The following ZNF428 variants were observed in gnomAD, a reference collection of about 807,000 sequenced individuals.
The protein encoded by ZNF428 is enzyme-like protein PIT13.
ZNF428 carries 5 observed loss-of-function variants against 15.6 expected under a neutral mutation model. The observed-to-expected ratio is 0.32, with a 90% CI of 0.17 to 0.67. ZNF428 has a LOEUF of 0.67. Among genes scored for constraint, ZNF428 ranks in the 30% least tolerant of loss-of-function variants. The probability of loss-of-function intolerance (pLI) is 0.73; values close to 1 mark genes in which losing one functional copy is unlikely to be tolerated. For missense variants in ZNF428, 237 were observed against 256.0 expected (o/e 0.93, Z 0.51); for synonymous variants, 97 against 102.2 (o/e 0.95, Z 0.31).
In ZNF428 at chr19:43,607,908, A is replaced by G. The variant is rs1973256789; in HGVS notation, c.276T>C (p.Pro92=). ...APRAAQPPAQ[P]CQLCGRSPLG... ...GGGGTGAGCGGCCACAGAGCTGGCA[A>G]GGCTGGGCCGGGGGCTGGGCTGCAC... The change falls in exon 3 of 3, where the codon CCT becomes CCC. Residue 92 remains proline (P), a synonymous_variant. Transcript: ENST00000300811. The surrounding 1 kb of genome is among the most constrained non-coding windows in gnomAD (Gnocchi z 5.1). 2 of 1,566,110 alleles carry G rather than the reference A, an allele frequency of 1.3e-6. No homozygotes were observed. Among genetic ancestry groups the G allele is most frequent in the Non-Finnish European group, 8.7e-7 (1 of 1,155,480 alleles).
chr19:43,613,815 AAGAG>A (rs1973339676), intron 2 of ZNF428: 8 of 1,549,438 alleles, frequency 5.2e-6, no homozygotes, highest in Middle Eastern at 1.7e-4. Context: ...AGCCCCAGCA[AAGAG>A]AGAGATCGCA....
chr19:43,616,764 G>A (rs974510746), intron 1 of ZNF428, among the ~76,000 whole-genome samples: 1 of 151,058 alleles, frequency 6.6e-6, no homozygotes, highest in Non-Finnish European at 1.5e-5. Context: ...TTTCACATCT[G>A]TGGGTCTTAG....
At chr19:43,618,351 A>G (rs1012853395) in intron 1 of ZNF428, among the ~76,000 whole-genome samples, 1 of 149,492 alleles carries the variant, frequency 6.7e-6, no homozygotes. Context: ...TATATTTTTT[A>G]AGAGACAGGG....
In ZNF428 at chr19:43,612,193, G is replaced by A. The variant is rs759429839; in HGVS notation, c.76+2036C>T. On this transcript the variant is annotated intron_variant, in intron 2 of 2. Coordinates refer to ENST00000300811, the MANE Select transcript of ZNF428 (RefSeq NM_182498.4). This position sits in a 1 kb window ranked among gnomAD's most constrained non-coding sequence, Gnocchi z 4.2. ...CCAGTGGATCCTCCATGCCCACTGC[G>A]GATCCCAAGCCTCCTGCCTCCTTGA... The A allele has an allele frequency of 1.2e-4, 183 of 1,551,534 alleles. No individual in the cohort carries two copies. Among genetic ancestry groups the A allele is most frequent in the Middle Eastern group, 8.3e-4 (5 of 6,014 alleles).
intron 1 of ZNF428, among the ~76,000 whole-genome samples, chr19:43,619,007 C>T (rs1973403341): frequency 6.6e-6 from 1 of 152,148 alleles, no homozygotes; most frequent in African/African-American, 2.4e-5. Flanking sequence ...AACTGAAAGG[C>T]AAACACAGTG....
In ZNF428 at chr19:43,612,917, G is replaced by A. The variant is rs1376491946; in HGVS notation, c.76+1312C>T. Reference sequence around the variant, plus strand: ...CAGCCCCACTGAAATGTCCAGCAGGGTCAAGAGTTATAACCAGGCCAGCAC... The same window carrying A: ...CAGCCCCACTGAAATGTCCAGCAGGATCAAGAGTTATAACCAGGCCAGCAC... On this transcript the variant is annotated intron_variant, in intron 2 of 2. Coordinates refer to ENST00000300811, the MANE Select transcript of ZNF428 (RefSeq NM_182498.4). The surrounding 1 kb of genome is among the most constrained non-coding windows in gnomAD (Gnocchi z 4.2). The A allele has an allele frequency of 6.4e-7, 1 of 1,551,566 alleles. No individual in the cohort carries two copies. The highest frequency in any genetic ancestry group is 8.7e-7 in the Non-Finnish European group (1 of 1,146,994).
At chr19:43,613,714 A>G in intron 2 of ZNF428, 1 of 1,551,480 alleles carries the variant, frequency 6.4e-7, no homozygotes, top group Non-Finnish European at 8.7e-7. Flanking sequence ...GCAAGGAGAG[A>G]CAGCGCAGAC....
Position 43,612,026 on chromosome 19 carries a change from G to A in ZNF428, c.76+2203C>T. The A allele has an allele frequency of 2.2e-6, 2 of 917,466 alleles. No individual in the cohort carries two copies. 56.8% of individuals were successfully genotyped at this position (917,466 alleles called of 1,614,324 possible). A position where few individuals can be genotyped will look rare whatever the true frequency, so the allele number is the denominator to read the frequency against. On this transcript the variant is annotated intron_variant, in intron 2 of 2. Coordinates refer to ENST00000300811, the MANE Select transcript of ZNF428 (RefSeq NM_182498.4). This position sits in a 1 kb window ranked among gnomAD's most constrained non-coding sequence, Gnocchi z 4.2. The stretch of plus-strand genomic sequence containing the variant: ...TCAATGCCCACTATTACTTCACACA[G>A]TTGGCCTGTGACAGGCAATCAGGTC...
chr19:43,612,271 G>C lies in ZNF428; in HGVS notation c.76+1958C>G. On this transcript the variant is annotated intron_variant, in intron 2 of 2. Coordinates refer to ENST00000300811, the MANE Select transcript of ZNF428 (RefSeq NM_182498.4). The surrounding 1 kb of genome is among the most constrained non-coding windows in gnomAD (Gnocchi z 4.2). ...GATCCTTAGTGCCCACCAAACCAGC[G>C]ACATCCCGTAACTCAGTCATGAGCC... The C allele has an allele frequency of 6.4e-7, 1 of 1,551,534 alleles. No individual in the cohort carries two copies. The highest frequency in any genetic ancestry group is 8.7e-7 in the Non-Finnish European group (1 of 1,146,984).
chr19:43,618,492 C>A (rs564937154), intron 1 of ZNF428, among the ~76,000 whole-genome samples: 1 of 151,248 alleles, frequency 6.6e-6, no homozygotes, highest in South Asian at 2.1e-4. Flanking sequence ...CTCCTGTGCT[C>A]AAGGTACCCT....
intron 2 of ZNF428, among the ~76,000 whole-genome samples, chr19:43,611,034 A>C (rs1452959484): frequency 1.3e-5 from 2 of 152,036 alleles, no homozygotes; most frequent in East Asian, 3.9e-4. Context: ...GACCCAGCAC[A>C]AACTCTGTCC....
chr19:43,609,370 G>C (rs1377292734), intron 2 of ZNF428, among the ~76,000 whole-genome samples: 1 of 151,908 alleles, frequency 6.6e-6, no homozygotes, highest in Non-Finnish European at 1.5e-5. Flanking sequence ...GAGAGAGAGA[G>C]AGAGAGAGTT....
In ZNF428 at chr19:43,619,561, C is replaced by G. The variant is rs575948498; in HGVS notation, c.-134G>C. The G allele has an allele frequency of 1.3e-5, 2 of 152,308 alleles. No homozygotes were observed. Among genetic ancestry groups the G allele is most frequent in the Non-Finnish European group, 2.9e-5 (2 of 68,094 alleles). The allele number at this position is 152,308 out of a possible 1,614,324, so 9.4% of individuals were successfully genotyped here. A position where few individuals can be genotyped will look rare whatever the true frequency, so the allele number is the denominator to read the frequency against. On this transcript the variant is annotated 5_prime_UTR_variant, in exon 1 of 3. Transcript: ENST00000300811. ...CACCCCTGCCCGGGACACTCACCGG[C>G]GCCGGCGGCCCCCGCTCCGGCTCTG... is the stretch of plus-strand genomic sequence containing the variant.
In ZNF428 at chr19:43,607,437, T is replaced by A. The variant is rs949406058; in HGVS notation, c.*180A>T. On this transcript the variant is annotated 3_prime_UTR_variant, in exon 3 of 3. Coordinates refer to ENST00000300811, the MANE Select transcript of ZNF428 (RefSeq NM_182498.4). This position sits in a 1 kb window ranked among gnomAD's most constrained non-coding sequence, Gnocchi z 5.1. Reference sequence around the variant, plus strand: ...GGAATACACACACACACACACACACTCTGAACCAACACACACAGATACAGA... The same window carrying A: ...GGAATACACACACACACACACACACACTGAACCAACACACACAGATACAGA... The A allele has an allele frequency of 4.2e-5, 30 of 712,106 alleles. No homozygotes were observed. Among genetic ancestry groups the A allele is most frequent in the Non-Finnish European group, 5.7e-5 (26 of 453,394 alleles). The allele number at this position is 712,106 out of a possible 1,614,324, so 44.1% of individuals were successfully genotyped here.
chr19:43,613,891 G>C (rs1293034973), intron 2 of ZNF428: 23 of 1,551,658 alleles, frequency 1.5e-5, no homozygotes, highest in Admixed American at 2.0e-5. Flanking sequence ...CCAGCGAGGA[G>C]AGAGATCACA....
rs146938902 is a variant in ZNF428 at position 43,614,878 on chromosome 19, A to G, written c.-130-444T>C. ...CTCGCAAAGTGCTGGGATTATAGGC[A>G]TGAGCCACCGCACCCGTCCCCCTCT... On this transcript the variant is annotated intron_variant, in intron 1 of 2. Transcript: ENST00000300811. 2.5e-3 allele frequency among the ~76,000 whole-genome samples: 385 copies of G among 152,020 alleles called. 1 individual carries two copies. The highest frequency in any genetic ancestry group is 8.8e-3 in the African/African-American group (363 of 41,456).
chr19:43,618,566 C>CTTTTTT (rs551668437), intron 1 of ZNF428, among the ~76,000 whole-genome samples: 12 of 98,332 alleles, frequency 1.2e-4, no homozygotes, highest in African/African-American at 3.0e-4. Flanking sequence ...TTAATTTTTA[C>CTTTTTT]TTTTTTTTTT....
intron 2 of ZNF428, among the ~76,000 whole-genome samples, chr19:43,609,539 G>A (rs982283416): frequency 7.9e-5 from 12 of 152,108 alleles, no homozygotes; most frequent in African/African-American, 2.7e-4. Context: ...AGGAGTTCAT[G>A]ACCCACTCTG....
intron 2 of ZNF428, among the ~76,000 whole-genome samples, chr19:43,609,014 G>A (rs1973268403): frequency 6.6e-6 from 1 of 152,226 alleles, no homozygotes; most frequent in Non-Finnish European, 1.5e-5. Flanking sequence ...TGGGGAGGTG[G>A]GGTGGGAGGC....
Sources: allele counts gnomAD v4.1 joint callset (sites outside exome capture counted in the v4.1 genomes callset), GRCh38; gene constraint gnomAD v4.1.1; non-coding constraint Gnocchi (gnomAD v3.1); transcripts MANE v1.5; gene names NCBI Gene and HGNC (gene_info 2026-07-23, HGNC 2026-07-21).